Variants in PHF14 observed in about 807,000 individuals in gnomAD.
PHF14 encodes the protein PHD finger protein 14.
In PHF14, 55 loss-of-function variants were observed where a neutral mutation model predicts 117.9. The ratio of observed to expected loss-of-function variants is 0.47; its 90% CI spans 0.38 to 0.58. The LOEUF (loss-of-function observed/expected upper bound fraction) is 0.58. Among genes scored for constraint, PHF14 ranks in the 20% least tolerant of loss-of-function variants. PHF14 has a pLI of 0.00. For synonymous variants in PHF14, 409 were observed against 368.6 expected (o/e 1.11, Z -1.26); for missense variants, 978 against 1,122.2 (o/e 0.87, Z 1.84).
intron 16 of PHF14, among the ~76,000 whole-genome samples, chr7:11,099,836 A>G (rs1397734438): frequency 2.0e-5 from 3 of 152,088 alleles, no homozygotes; most frequent in African/African-American, 7.2e-5. Flanking sequence ...AAAGTCTGTA[A>G]TCTCACCATT....
intron 17 of PHF14, among the ~76,000 whole-genome samples, chr7:11,120,065 T>C (rs977109645): frequency 2.1e-4 from 32 of 152,124 alleles, no homozygotes; most frequent in African/African-American, 7.5e-4. Context: ...TCCCAAAAAA[T>C]TGCCATTAAA....
At chr7:11,146,115 T>C (rs961601809) in intron 17 of PHF14, among the ~76,000 whole-genome samples, 1 of 152,090 alleles carries the variant, frequency 6.6e-6, no homozygotes, top group Non-Finnish European at 1.5e-5. Flanking sequence ...ATTCCTCCAA[T>C]AGAATATTTC....
intron 4 of PHF14, among the ~76,000 whole-genome samples, chr7:10,993,130 A>G (rs1463036972): frequency 6.6e-6 from 1 of 152,154 alleles, no homozygotes; most frequent in African/African-American, 2.4e-5. Flanking sequence ...CTACCAATTT[A>G]GAATACTGGT....
chr7:11,057,370 C>CTTATTT (rs1785053846), intron 14 of PHF14, among the ~76,000 whole-genome samples: 1 of 151,914 alleles, frequency 6.6e-6, no homozygotes, highest in South Asian at 2.1e-4. Flanking sequence ...TATTTATTTA[C>CTTATTT]TTATTTTTAT....
Position 11,035,870 on chromosome 7 carries a change from G to A in PHF14, c.1602+84G>A. 1.8e-5 allele frequency: 19 copies of A among 1,034,072 alleles called. 1 individual carries two copies. In the South Asian group the frequency reaches 3.2e-4, roughly 17 times the overall value. 64.1% of individuals were successfully genotyped at this position (1,034,072 alleles called of 1,614,324 possible). ...CGTCTCGTGTGGCTTCCAGTGACAT[G>A]TGACGTATAATAGGAAGTTTGGTTA... On this transcript the variant is annotated intron_variant, in intron 8 of 17. Coordinates refer to ENST00000634607, the MANE Select transcript of PHF14 (RefSeq NM_001007157.2).
intron 5 of PHF14, among the ~76,000 whole-genome samples, chr7:11,020,566 A>G (rs1783700314): frequency 6.6e-6 from 1 of 152,020 alleles, no homozygotes; most frequent in African/African-American, 2.4e-5. Context: ...TTTTGTAGCG[A>G]TGGGGTTTCA....
chr7:11,077,948 C>T (rs1583443190), intron 16 of PHF14, among the ~76,000 whole-genome samples: 2 of 152,178 alleles, frequency 1.3e-5, no homozygotes, highest in African/African-American at 4.8e-5. Context: ...GTGCATGAAA[C>T]TGAGGCTTAA....
chr7:11,089,331 T>C (rs1455997316), intron 16 of PHF14, among the ~76,000 whole-genome samples: 1 of 152,216 alleles, frequency 6.6e-6, no homozygotes, highest in African/African-American at 2.4e-5. Flanking sequence ...AAACAATTCA[T>C]TGACTTTTAT....
At chr7:11,124,073 T>C (rs542187553) in intron 17 of PHF14, among the ~76,000 whole-genome samples, 1 of 144,820 alleles carries the variant, frequency 6.9e-6, no homozygotes, top group South Asian at 2.1e-4. Context: ...AACTCCACTT[T>C]TCTGAAGAAA....
At chr7:11,069,547 T>A (rs76635182) in intron 16 of PHF14, among the ~76,000 whole-genome samples, 2,310 of 147,870 alleles carry the variant, frequency 0.016, 40 homozygotes, top group African/African-American at 0.046. Context: ...GTATTTTTTT[T>A]AATTTTATTT....
At chr7:11,066,358 C>G (rs943238011) in intron 16 of PHF14, among the ~76,000 whole-genome samples, 1 of 152,184 alleles carries the variant, frequency 6.6e-6, no homozygotes, top group African/African-American at 2.4e-5. Flanking sequence ...CTCCCGGGCT[C>G]AAGCAATCCT....
At chr7:11,118,733 T>G (rs1357058570) in intron 17 of PHF14, among the ~76,000 whole-genome samples, 1 of 151,888 alleles carries the variant, frequency 6.6e-6, no homozygotes, top group Non-Finnish European at 1.5e-5. Context: ...TTCTTAATAG[T>G]ATTAATAGAA....
At chr7:11,000,197 A>G (rs1440159968) in intron 4 of PHF14, among the ~76,000 whole-genome samples, 1 of 152,156 alleles carries the variant, frequency 6.6e-6, no homozygotes, top group African/African-American at 2.4e-5. Context: ...TTACGCTACT[A>G]CTTTCATCCT....
chr7:10,997,584 T>C (rs749653093), intron 4 of PHF14, among the ~76,000 whole-genome samples: 1 of 152,348 alleles, frequency 6.6e-6, no homozygotes, highest in East Asian at 1.9e-4. Flanking sequence ...GAGTCTCTCA[T>C]GAAGTTGCAG....
chr7:11,005,885 T>C lies in PHF14; in HGVS notation c.1046-7862T>C, dbSNP rs914585422. Among the ~76,000 whole-genome samples the C allele has an allele frequency of 2.1e-5, 3 of 140,892 alleles. No individual in the cohort carries two copies. In the East Asian group the frequency reaches 6.5e-4, roughly 31 times the overall value. 92.4% of individuals were successfully genotyped at this position (140,892 alleles called of 152,430 possible). A position where few individuals can be genotyped will look rare whatever the true frequency, so the allele number is the denominator to read the frequency against. ...TCGGCTCACTGCAACCTCTGCCTCC[T>C]GGGTTCAAGCGATTCTCCCGCCTCA... is the stretch of plus-strand genomic sequence containing the variant. On this transcript the variant is annotated intron_variant, in intron 4 of 17. Coordinates refer to ENST00000634607, the MANE Select transcript of PHF14 (RefSeq NM_001007157.2).
chr7:11,105,368 A>C (rs898147245), intron 16 of PHF14: 1 of 951,332 alleles, frequency 1.1e-6, no homozygotes, highest in African/African-American at 1.8e-5. Context: ...CATCCTATTA[A>C]TGAAAACCAC....
chr7:11,121,738 T>C (rs1787760956), intron 17 of PHF14, among the ~76,000 whole-genome samples: 1 of 152,236 alleles, frequency 6.6e-6, no homozygotes, highest in Non-Finnish European at 1.5e-5. Flanking sequence ...TATGGACATA[T>C]TCTGGGCAAA....
intron 8 of PHF14, 48 bp from the exon 9 acceptor site, chr7:11,036,370 A>T (rs746661007): frequency 1.4e-6 from 2 of 1,419,492 alleles, no homozygotes; most frequent in Admixed American, 2.1e-5. Context: ...CTTAAGGAAC[A>T]TGTTTCATTT....
At chr7:11,003,589 C>G (rs1046381783) in intron 4 of PHF14, among the ~76,000 whole-genome samples, 4 of 152,172 alleles carry the variant, frequency 2.6e-5, no homozygotes, top group African/African-American at 9.7e-5. Flanking sequence ...CATCATCTCA[C>G]ATAATTACCC....
Sources: gnomAD v4.1 joint callset for allele counts (sites outside exome capture counted in the v4.1 genomes callset) on GRCh38, gnomAD v4.1.1 for gene constraint, MANE v1.5 for transcripts, NCBI Gene and HGNC (gene_info 2026-07-23, HGNC 2026-07-21) for gene names.